SLC24A2: variants seen among roughly 807,000 people sequenced by gnomAD.
SLC24A2 encodes the protein solute carrier family 24 member 2.
SLC24A2 carries 36 observed loss-of-function variants against 62.0 expected under a neutral mutation model. That is an observed-to-expected ratio of 0.58 (90% CI 0.44 to 0.77). The LOEUF is 0.77. Ranked by LOEUF, SLC24A2 falls within the 30% of genes least tolerant of loss-of-function variation. The pLI is 0.00. For synonymous variants in SLC24A2, 358 were observed against 294.0 expected (o/e 1.22, Z -2.23); for missense variants, 846 against 817.9 (o/e 1.03, Z -0.42).
intron 8 of SLC24A2, among the ~76,000 whole-genome samples, chr9:19,549,690 A>G (rs1834748724): frequency 6.6e-6 from 1 of 152,216 alleles, no homozygotes; most frequent in Admixed American, 6.5e-5. Flanking sequence ...AAGCCTCCAG[A>G]TGATGGTAGC....
intron 1 of SLC24A2, among the ~76,000 whole-genome samples, chr9:19,787,740 AAAC>A (rs1349839758): frequency 6.6e-6 from 1 of 152,184 alleles, no homozygotes; most frequent in Non-Finnish European, 1.5e-5. Context: ...TTTTTTAAAA[AAAC>A]AACCTTTAGT....
chr9:20,280,304 T>G, the SLC24A2 span, among the ~76,000 whole-genome samples: 1 of 152,214 alleles, frequency 6.6e-6, no homozygotes, highest in Admixed American at 6.5e-5. Context: ...ACCATTTTTT[T>G]GTACCCCTTG....
At chr9:19,800,681 T>C in the SLC24A2 span, among the ~76,000 whole-genome samples, 1 of 152,312 alleles carries the variant, frequency 6.6e-6, no homozygotes, top group South Asian at 2.1e-4. Context: ...AAAAGCTGCC[T>C]AATATTTTAT....
At chr9:19,924,007 G>A in the SLC24A2 span, among the ~76,000 whole-genome samples, 6 of 152,226 alleles carry the variant, frequency 3.9e-5, no homozygotes, top group African/African-American at 1.4e-4. Context: ...CCAAACGGCT[G>A]AGATTACAGA....
At chr9:19,535,837 G>T (rs531722191) in intron 8 of SLC24A2, among the ~76,000 whole-genome samples, 21 of 152,026 alleles carry the variant, frequency 1.4e-4, no homozygotes, top group African/African-American at 2.4e-4. Flanking sequence ...CTCTTTTTTG[G>T]TTCCATATGA....
At chr9:19,891,928 A>T in the SLC24A2 span, among the ~76,000 whole-genome samples, 1 of 152,140 alleles carries the variant, frequency 6.6e-6, no homozygotes, top group Non-Finnish European at 1.5e-5. Flanking sequence ...TTAATATGAG[A>T]TTTGGAGGGA....
chr9:19,847,308 T>G, the SLC24A2 span, among the ~76,000 whole-genome samples: 1 of 152,338 alleles, frequency 6.6e-6, no homozygotes, highest in East Asian at 1.9e-4. Flanking sequence ...AAATTTTATG[T>G]TGGGAAAAAA....
chr9:19,874,915 A>C, the SLC24A2 span, among the ~76,000 whole-genome samples: 2 of 151,386 alleles, frequency 1.3e-5, no homozygotes, highest in African/African-American at 4.8e-5. Context: ...TATTCTCCTC[A>C]ATTTACAGAA....
intron 2 of SLC24A2, among the ~76,000 whole-genome samples, chr9:19,762,013 G>T (rs1035226282): frequency 6.6e-5 from 10 of 151,946 alleles, no homozygotes; most frequent in Non-Finnish European, 1.3e-4. Flanking sequence ...GGGATGGCTG[G>T]GTCAAATGGT....
chr9:19,931,426 C>A, the SLC24A2 span, among the ~76,000 whole-genome samples: 1 of 152,166 alleles, frequency 6.6e-6, no homozygotes, highest in Non-Finnish European at 1.5e-5. Flanking sequence ...ACCCACAATT[C>A]TTTCTGATCA....
At chr9:19,622,098 C>T (rs1011966015) in intron 3 of SLC24A2, among the ~76,000 whole-genome samples, 163 bp downstream of exon 3, 2 of 152,176 alleles carry the variant, frequency 1.3e-5, no homozygotes, top group Admixed American at 1.3e-4. Flanking sequence ...TCAGTCATCA[C>T]TAATTGTAGC....
At chr9:20,256,934 A>ACG in the SLC24A2 span, among the ~76,000 whole-genome samples, 1 of 151,996 alleles carries the variant, frequency 6.6e-6, no homozygotes, top group Non-Finnish European at 1.5e-5. Flanking sequence ...ACACACACAC[A>ACG]CACACACACA....
chr9:20,038,851 G>T, the SLC24A2 span, among the ~76,000 whole-genome samples: 1 of 152,136 alleles, frequency 6.6e-6, no homozygotes, highest in Non-Finnish European at 1.5e-5. Flanking sequence ...TGCTAAGGAG[G>T]CAGGAAAGAT....
chr9:19,591,699 G>A (rs747669022), intron 5 of SLC24A2, among the ~76,000 whole-genome samples: 2 of 152,346 alleles, frequency 1.3e-5, no homozygotes, highest in South Asian at 2.1e-4. Flanking sequence ...ATACGAGGGT[G>A]GTGGAGCAGA....
At chr9:19,708,947 A>C (rs1820623300) in intron 2 of SLC24A2, among the ~76,000 whole-genome samples, 2 of 152,256 alleles carry the variant, frequency 1.3e-5, no homozygotes, top group South Asian at 4.1e-4. Context: ...AGCAAAAGAA[A>C]CTACCATCAT....
intron 2 of SLC24A2, among the ~76,000 whole-genome samples, chr9:19,710,614 G>C (rs1820686123): frequency 6.6e-6 from 1 of 152,172 alleles, no homozygotes; most frequent in African/African-American, 2.4e-5. Flanking sequence ...GGAGGAAGGT[G>C]GGGGCAGTAG....
chr9:19,865,116 G>A, the SLC24A2 span, among the ~76,000 whole-genome samples: 503 of 151,974 alleles, frequency 3.3e-3, 1 homozygote, highest in African/African-American at 0.011. Context: ...CGTAGGAATC[G>A]ACTTAACCGA....
chr9:19,953,029 C>A, the SLC24A2 span, among the ~76,000 whole-genome samples: 1 of 151,844 alleles, frequency 6.6e-6, no homozygotes, highest in African/African-American at 2.4e-5. Flanking sequence ...TCATTTCATC[C>A]AAGTTGCCAA....
At chr9:19,557,648 T>G (rs1467267184) in intron 7 of SLC24A2, among the ~76,000 whole-genome samples, 3 of 152,220 alleles carry the variant, frequency 2.0e-5, no homozygotes, top group Non-Finnish European at 4.4e-5. Flanking sequence ...CCCAGCCCCC[T>G]AGCTGCTCTT....
Sources: gnomAD v4.1 joint callset for allele counts (sites outside exome capture counted in the v4.1 genomes callset) on GRCh38, gnomAD v4.1.1 for gene constraint, MANE v1.5 for transcripts, NCBI Gene and HGNC (gene_info 2026-07-23, HGNC 2026-07-21) for gene names.